SGCD: variants seen among roughly 807,000 people sequenced by gnomAD.
The protein encoded by SGCD is delta-sarcoglycan.
A neutral mutation model predicts 36.6 loss-of-function variants in SGCD; 18 were observed. That is an observed-to-expected ratio of 0.49 (90% CI 0.34 to 0.73). SGCD has a LOEUF of 0.73. Ranked by LOEUF, SGCD falls within the 30% of genes least tolerant of loss-of-function variation. The pLI is 0.01. For missense variants in SGCD, 387 were observed against 346.7 expected (o/e 1.12, Z -0.92); for synonymous variants, 133 against 130.6 (o/e 1.02, Z -0.12).
intron 4 of SGCD, among the ~76,000 whole-genome samples, chr5:156,541,781 T>C (rs1758356796): frequency 6.6e-6 from 1 of 152,148 alleles, no homozygotes; most frequent in African/African-American, 2.4e-5. Context: ...ACTTGCACAT[T>C]TTATGTATGC....
intron 3 of SGCD, among the ~76,000 whole-genome samples, chr5:156,488,328 A>G (rs569263632): frequency 1.1e-4 from 16 of 152,090 alleles, no homozygotes; most frequent in Non-Finnish European, 5.9e-5. Flanking sequence ...AAACCCCCCA[A>G]ATGGATTCAA....
At chr5:156,524,496 A>C (rs1181025776) in intron 4 of SGCD, among the ~76,000 whole-genome samples, 1 of 151,404 alleles carries the variant, frequency 6.6e-6, no homozygotes, top group Admixed American at 6.6e-5. Flanking sequence ...AAGGTGTACA[A>C]ACTTAATGAT....
the SGCD span, among the ~76,000 whole-genome samples, chr5:155,852,411 A>C: frequency 1.3e-5 from 2 of 152,176 alleles, no homozygotes; most frequent in African/African-American, 2.4e-5. Context: ...AATTGAAAAC[A>C]TGTGAACCCA....
intron 7 of SGCD, among the ~76,000 whole-genome samples, chr5:156,724,716 T>A (rs1486557669): frequency 1.3e-5 from 2 of 152,136 alleles, no homozygotes; most frequent in African/African-American, 2.4e-5. Context: ...TGTGCTAGAG[T>A]TTCAGAATGA....
At chr5:156,070,319 T>C (rs1416924448) in intron 1 of SGCD, among the ~76,000 whole-genome samples, 2 of 152,078 alleles carry the variant, frequency 1.3e-5, no homozygotes, top group Non-Finnish European at 2.9e-5. Flanking sequence ...ATGCCGAATT[T>C]ATTGAGAGTT....
At chr5:155,798,890 G>A in the SGCD span, among the ~76,000 whole-genome samples, 6 of 152,166 alleles carry the variant, frequency 3.9e-5, no homozygotes, top group Admixed American at 1.3e-4. Context: ...TTCCAGATGC[G>A]TATGAAGTGA....
chr5:155,833,073 A>AAAG, the SGCD span, among the ~76,000 whole-genome samples: 73 of 150,574 alleles, frequency 4.8e-4, 1 homozygote, highest in Non-Finnish European at 9.0e-4. Context: ...AAAAAAAAAG[A>AAAG]AAAAAAATTA....
At chr5:156,261,247 T>G (rs1045031111) in intron 3 of SGCD, among the ~76,000 whole-genome samples, 3 of 152,200 alleles carry the variant, frequency 2.0e-5, no homozygotes, top group African/African-American at 7.2e-5. Flanking sequence ...TTTTCTTTAA[T>G]TCTGATTGTA....
chr5:156,361,862 C>T (rs1171172761), intron 3 of SGCD, among the ~76,000 whole-genome samples: 1 of 152,186 alleles, frequency 6.6e-6, no homozygotes, highest in African/African-American at 2.4e-5. Flanking sequence ...GATGCATCCT[C>T]TGAAGTCTAC....
chr5:156,328,009 G>T (rs988400917), intron 1 of SGCD, among the ~76,000 whole-genome samples: 2 of 152,220 alleles, frequency 1.3e-5, no homozygotes, highest in African/African-American at 4.8e-5. Flanking sequence ...AAAGGACAGA[G>T]ACATGATGGT....
intron 1 of SGCD, among the ~76,000 whole-genome samples, chr5:155,966,623 G>C (rs1248270676): frequency 6.6e-6 from 1 of 152,078 alleles, no homozygotes; most frequent in African/African-American, 2.4e-5. Flanking sequence ...TTTACCAGCT[G>C]TGTGACCTTG....
chr5:156,578,811 C>T (rs912706263), intron 4 of SGCD, among the ~76,000 whole-genome samples: 4 of 152,110 alleles, frequency 2.6e-5, no homozygotes, highest in Non-Finnish European at 5.9e-5. Flanking sequence ...CTCTTTTCTT[C>T]TGTATTAGTC....
chr5:155,920,747 CA>C (rs1756859361), intron 1 of SGCD, among the ~76,000 whole-genome samples: 1 of 152,086 alleles, frequency 6.6e-6, no homozygotes, highest in Non-Finnish European at 1.5e-5. Context: ...TTGGATGGTG[CA>C]GTCATCAGAG....
chr5:156,124,201 T>A (rs1762114203), intron 3 of SGCD, among the ~76,000 whole-genome samples: 1 of 152,136 alleles, frequency 6.6e-6, no homozygotes. Flanking sequence ...TTACCACAGG[T>A]AAAGATACAA....
chr5:156,191,503 G>A (rs1166763244), intron 3 of SGCD, among the ~76,000 whole-genome samples: 1 of 152,110 alleles, frequency 6.6e-6, no homozygotes, highest in African/African-American at 2.4e-5. Flanking sequence ...TAAGCCTCCA[G>A]GTTTGTAGGA....
chr5:156,009,752 T>G (rs1411571305), intron 1 of SGCD, among the ~76,000 whole-genome samples: 1 of 152,320 alleles, frequency 6.6e-6, no homozygotes, highest in African/African-American at 2.4e-5. Flanking sequence ...TATTACTCAC[T>G]TGAATTAGTC....
the SGCD span, among the ~76,000 whole-genome samples, chr5:155,773,814 G>A: frequency 6.6e-6 from 1 of 152,120 alleles, no homozygotes; most frequent in Non-Finnish European, 1.5e-5. Flanking sequence ...GATGGAAGAA[G>A]AATGCTACAA....
intron 3 of SGCD, among the ~76,000 whole-genome samples, chr5:156,391,758 A>G (rs1421352913): frequency 3.9e-5 from 6 of 152,214 alleles, no homozygotes; most frequent in Non-Finnish European, 8.8e-5. Context: ...ATGACTCTCT[A>G]TATACATGTA....
chr5:156,609,506 T>A (rs1761670348), intron 6 of SGCD, among the ~76,000 whole-genome samples: 1 of 152,236 alleles, frequency 6.6e-6, no homozygotes, highest in African/African-American at 2.4e-5. Context: ...CTTTGGTGAA[T>A]CTGACAATTA....
Sources: gnomAD v4.1 joint callset for allele counts (sites outside exome capture counted in the v4.1 genomes callset) on GRCh38, gnomAD v4.1.1 for gene constraint, MANE v1.5 for transcripts, NCBI Gene and HGNC (gene_info 2026-07-23, HGNC 2026-07-21) for gene names.